The following CNTNAP5 variants were observed in gnomAD, a reference collection of about 807,000 sequenced individuals.
CNTNAP5 encodes the protein contactin associated protein family member 5.
A neutral mutation model predicts 150.2 loss-of-function variants in CNTNAP5; 72 were observed. That is an observed-to-expected ratio of 0.48 (90% CI 0.40 to 0.58). The LOEUF is 0.58. Ranked by LOEUF, CNTNAP5 falls within the 20% of genes least tolerant of loss-of-function variation. CNTNAP5 has a pLI of 0.00. For missense variants in CNTNAP5, 1,636 were observed against 1,626.2 expected (o/e 1.01, Z -0.10); for synonymous variants, 672 against 619.8 (o/e 1.08, Z -1.25).
chr2:124,158,064 G>A (rs1684586239), intron 1 of CNTNAP5, among the ~76,000 whole-genome samples: 1 of 152,114 alleles, frequency 6.6e-6, no homozygotes, highest in Non-Finnish European at 1.5e-5. Flanking sequence ...AGAGAATGAA[G>A]GGTCTTGTTA....
intron 1 of CNTNAP5, among the ~76,000 whole-genome samples, chr2:124,026,822 A>G (rs558686862): frequency 6.6e-6 from 1 of 152,362 alleles, no homozygotes; most frequent in East Asian, 1.9e-4. Context: ...GAACAGTAGG[A>G]AGATTACTTA....
At chr2:124,569,310 A>G (rs548135305) in intron 11 of CNTNAP5, among the ~76,000 whole-genome samples, 39 of 152,294 alleles carry the variant, frequency 2.6e-4, no homozygotes, top group African/African-American at 9.1e-4. Context: ...TTACTAACAC[A>G]GTGGCATATT....
chr2:124,641,126 C>CAA (rs78602781), intron 12 of CNTNAP5, among the ~76,000 whole-genome samples: 8 of 98,486 alleles, frequency 8.1e-5, no homozygotes, highest in East Asian at 3.7e-4. Flanking sequence ...AACTCCATCT[C>CAA]AAAAAAAAAA....
intron 13 of CNTNAP5, among the ~76,000 whole-genome samples, chr2:124,674,745 G>A (rs2105061731): frequency 6.6e-6 from 1 of 151,616 alleles, no homozygotes; most frequent in Non-Finnish European, 1.5e-5. Context: ...TTGACCAATT[G>A]GTTATTTGGA....
chr2:124,062,240 T>G (rs1346191649), intron 1 of CNTNAP5, among the ~76,000 whole-genome samples: 1 of 152,254 alleles, frequency 6.6e-6, no homozygotes. Context: ...TTATATGAAC[T>G]GCTCCTATTA....
chr2:124,713,227 C>CTCTA (rs1239496048), intron 13 of CNTNAP5, among the ~76,000 whole-genome samples: 510 of 35,314 alleles, frequency 0.014, 45 homozygotes, highest in African/African-American at 0.044. Flanking sequence ...CTGTTTCTTT[C>CTCTA]TTTCTTTCTT....
At chr2:124,059,923 A>G (rs1681959964) in intron 1 of CNTNAP5, among the ~76,000 whole-genome samples, 1 of 152,190 alleles carries the variant, frequency 6.6e-6, no homozygotes, top group Non-Finnish European at 1.5e-5. Flanking sequence ...AAGCAATGTT[A>G]TGCTGGAAAG....
chr2:124,702,814 A>G (rs1036908948), intron 13 of CNTNAP5, among the ~76,000 whole-genome samples: 1 of 152,118 alleles, frequency 6.6e-6, no homozygotes, highest in Admixed American at 6.6e-5. Flanking sequence ...GGAGGTAGGG[A>G]CACAGTTAAA....
intron 13 of CNTNAP5, among the ~76,000 whole-genome samples, chr2:124,668,338 C>A (rs1028756886): frequency 1.1e-4 from 16 of 152,188 alleles, no homozygotes; most frequent in African/African-American, 3.9e-4. Flanking sequence ...GCTGAGAGAT[C>A]TTAAGCAGCT....
chr2:124,515,001 A>C (rs1694675018), intron 8 of CNTNAP5, among the ~76,000 whole-genome samples: 1 of 152,212 alleles, frequency 6.6e-6, no homozygotes, highest in South Asian at 2.1e-4. Context: ...CCACACTTTC[A>C]CCATCAACCA....
intron 21 of CNTNAP5, among the ~76,000 whole-genome samples, chr2:124,872,581 T>G (rs1171619221): frequency 6.6e-6 from 1 of 152,002 alleles, no homozygotes; most frequent in African/African-American, 2.4e-5. Flanking sequence ...ACTTTTTTTT[T>G]CTGAACAGAG....
At chr2:124,352,478 G>A (rs1371488871) in intron 3 of CNTNAP5, among the ~76,000 whole-genome samples, 3 of 152,156 alleles carry the variant, frequency 2.0e-5, no homozygotes, top group African/African-American at 4.8e-5. Flanking sequence ...GTGCCTGGAC[G>A]CAGAGAAATA....
At chr2:124,647,726 G>A (rs768845796) in intron 12 of CNTNAP5, 32 bp from the exon 13 acceptor site, 4 of 1,545,514 alleles carry the variant, frequency 2.6e-6, no homozygotes, top group African/African-American at 1.4e-5. Context: ...TGCTTCTAAC[G>A]TCTCTTGCTT....
intron 3 of CNTNAP5, among the ~76,000 whole-genome samples, chr2:124,254,950 GAT>G (rs570033033): frequency 6.7e-4 from 102 of 152,228 alleles, no homozygotes; most frequent in Non-Finnish European, 8.8e-4. Flanking sequence ...ATCTAACAAG[GAT>G]TCCCATATAA....
intron 7 of CNTNAP5, among the ~76,000 whole-genome samples, chr2:124,480,171 G>A (rs1166810937): frequency 6.6e-6 from 1 of 152,172 alleles, no homozygotes; most frequent in Non-Finnish European, 1.5e-5. Flanking sequence ...GAGTCATGAA[G>A]TGGGTTTGCA....
rs1247990970 is a variant in CNTNAP5 at position 124,919,870 on chromosome 2, T to A, written c.*5582T>A. Among the ~76,000 whole-genome samples, 1 of 152,002 alleles carries A rather than the reference T, an allele frequency of 6.6e-6. No individual in the cohort carries two copies. The highest frequency in any genetic ancestry group is 1.5e-5 in the Non-Finnish European group (1 of 67,964). On this transcript the variant is annotated 3_prime_UTR_variant, in exon 24 of 24. Coordinates refer to ENST00000682447, the MANE Select transcript of CNTNAP5 (RefSeq NM_001367498.1). Reference sequence around the variant, plus strand: ...ATGCAACTTTCAGGAAATGAAACTGTCAGAAAACTGCCCTAGGTCTATTAT... The same window carrying A: ...ATGCAACTTTCAGGAAATGAAACTGACAGAAAACTGCCCTAGGTCTATTAT...
chr2:124,726,115 T>C (rs922973377), intron 13 of CNTNAP5, among the ~76,000 whole-genome samples: 1 of 152,078 alleles, frequency 6.6e-6, no homozygotes, highest in Non-Finnish European at 1.5e-5. Flanking sequence ...ATTTTCTCCA[T>C]GTCTTCACCA....
intron 19 of CNTNAP5, among the ~76,000 whole-genome samples, chr2:124,838,974 T>C (rs907738007): frequency 1.3e-5 from 2 of 151,986 alleles, no homozygotes; most frequent in African/African-American, 4.8e-5. Context: ...ATTAGAAGAG[T>C]CATACATTAA....
intron 10 of CNTNAP5, among the ~76,000 whole-genome samples, chr2:124,556,623 A>G (rs1695761249): frequency 6.6e-6 from 1 of 152,106 alleles, no homozygotes; most frequent in Admixed American, 6.6e-5. Context: ...CTGGTGAGAG[A>G]TGCTTGTGGC....
Sources: gnomAD v4.1 joint callset for allele counts (sites outside exome capture counted in the v4.1 genomes callset) on GRCh38, gnomAD v4.1.1 for gene constraint, MANE v1.5 for transcripts, NCBI Gene and HGNC (gene_info 2026-07-23, HGNC 2026-07-21) for gene names.